MYO9A: variants seen among roughly 807,000 people sequenced by gnomAD.
The protein encoded by MYO9A is unconventional myosin-IXa.
A neutral mutation model predicts 293.3 loss-of-function variants in MYO9A; 103 were observed. The observed-to-expected ratio is 0.35, with a 90% CI of 0.30 to 0.41. MYO9A has a LOEUF of 0.41. Among genes scored for constraint, MYO9A ranks in the 10% least tolerant of loss-of-function variants. MYO9A has a pLI of 1.00. For missense variants in MYO9A, 2,685 were observed against 3,033.0 expected (o/e 0.89, Z 2.69); for synonymous variants, 1,001 against 1,035.7 (o/e 0.97, Z 0.64).
intron 6 of MYO9A, among the ~76,000 whole-genome samples, chr15:72,017,010 CTTTTTTTTTTTTTT>C (rs61153023): frequency 2.1e-4 from 12 of 58,278 alleles, no homozygotes; most frequent in Admixed American, 9.4e-4. Flanking sequence ...GAGCCCAAAT[CTTTTTTTTTTTTTT>C]TTTTTTTTTT....
At chr15:71,849,044 T>C (rs2055515927) in intron 38 of MYO9A, 76 bp from the exon 39 acceptor site, 20 of 1,370,678 alleles carry the variant, frequency 1.5e-5, no homozygotes, top group Non-Finnish European at 1.8e-5. Context: ...ACTGTTTTTG[T>C]GGTAGACAGT....
Position 71,898,133 on chromosome 15 carries a change from A to C in MYO9A, c.4370T>G (p.Leu1457Trp), listed in dbSNP as rs1251826847. The C allele has an allele frequency of 4.3e-6, 7 of 1,614,116 alleles. No homozygotes were observed. The highest frequency in any genetic ancestry group is 5.1e-6 in the Non-Finnish European group (6 of 1,180,024). Residue 1457 changes from leucine to tryptophan, a missense_variant, in exon 25 of 42, where the codon TTG (leucine) becomes TGG (tryptophan). Around this residue, in one of 10 missense-constraint regions of MYO9A, gnomAD observed 1,434 missense variants for 1,497.7 expected, o/e 0.96. Coordinates refer to ENST00000356056, the MANE Select transcript of MYO9A (RefSeq NM_006901.4). ...NEDTAGEALT[L>W]DINRETRRYH... ...CCTTCTAGTTTCCCTGTTGATATCC[A>C]AAGTAAGAGCTTCCCCCGCTGTGTC...
chr15:72,042,423 A>T (rs937509863), intron 2 of MYO9A, among the ~76,000 whole-genome samples: 1 of 152,124 alleles, frequency 6.6e-6, no homozygotes, highest in African/African-American at 2.4e-5. Flanking sequence ...TCTCAATAAG[A>T]CACAGAAATA....
chr15:72,081,383 A>G (rs1275265746), intron 1 of MYO9A, among the ~76,000 whole-genome samples: 1 of 152,112 alleles, frequency 6.6e-6, no homozygotes, highest in Admixed American at 6.5e-5. Flanking sequence ...GTGTGTGTTC[A>G]TGTCCTTTAC....
chr15:72,103,342 CAGCAGCAAGCAGAGACAGA>C (rs1186508122), intron 1 of MYO9A, among the ~76,000 whole-genome samples: 2 of 137,880 alleles, frequency 1.5e-5, no homozygotes, highest in Non-Finnish European at 3.1e-5. Flanking sequence ...GAAGCAGAAG[CAGCAGCAAGCAGAGACAGA>C]AGCAGCAGCA....
At chr15:72,027,687 T>C (rs774869478) in intron 4 of MYO9A, 44 bp downstream of exon 4, 20 of 1,459,322 alleles carry the variant, frequency 1.4e-5, no homozygotes, top group African/African-American at 5.7e-5. Context: ...GTCTGCGTGA[T>C]ACAAATGTTA....
intron 1 of MYO9A, among the ~76,000 whole-genome samples, chr15:72,067,651 C>T (rs1378078628): frequency 1.3e-5 from 2 of 152,158 alleles, no homozygotes; most frequent in Non-Finnish European, 2.9e-5. Flanking sequence ...TGCCCTTCTA[C>T]TGGGACGCCA....
intron 1 of MYO9A, among the ~76,000 whole-genome samples, chr15:72,064,222 T>G (rs902373204): frequency 1.3e-5 from 2 of 152,052 alleles, no homozygotes; most frequent in South Asian, 2.1e-4. Context: ...AAAATATAGT[T>G]AGAATGAATA....
At chr15:71,943,845 C>CT (rs1219502835) in intron 15 of MYO9A, among the ~76,000 whole-genome samples, 1 of 152,072 alleles carries the variant, frequency 6.6e-6, no homozygotes, top group Non-Finnish European at 1.5e-5. Flanking sequence ...ACGTAAAAGT[C>CT]TTTTGTGAAT....
chr15:72,107,373 AC>A (rs1330991307), intron 1 of MYO9A, among the ~76,000 whole-genome samples: 1 of 152,052 alleles, frequency 6.6e-6, no homozygotes, highest in Non-Finnish European at 1.5e-5. Flanking sequence ...ACATGGTGAA[AC>A]CCTGTCTCTA....
chr15:71,979,662 T>C (rs1365273929), intron 11 of MYO9A, among the ~76,000 whole-genome samples: 3 of 152,230 alleles, frequency 2.0e-5, no homozygotes, highest in Non-Finnish European at 4.4e-5. Flanking sequence ...CTACATATTG[T>C]CTATGGCTAC....
chr15:72,069,332 G>C (rs1309399232), intron 1 of MYO9A, among the ~76,000 whole-genome samples: 2 of 152,110 alleles, frequency 1.3e-5, no homozygotes, highest in Non-Finnish European at 2.9e-5. Flanking sequence ...ATATGTAATT[G>C]TTTAGTGCAT....
rs548859933 is a variant in MYO9A, at chr15:72,012,593, C to A, written c.1156-2146G>T. On this transcript the variant is annotated intron_variant, in intron 6 of 41. Transcript: ENST00000356056. ...GATTACAGGAGTAAGCCACCGTACC[C>A]AGCCCTAAGATAAATTTTTAAACAC... 7.2e-5 allele frequency among the ~76,000 whole-genome samples: 11 copies of A among 152,278 alleles called. No homozygotes were observed. In the East Asian group the frequency reaches 1.9e-3, roughly 27 times the overall value.
In MYO9A at chr15:71,879,752, T is replaced by C; in HGVS notation, c.5708A>G (p.Asn1903Ser). 6.2e-7 allele frequency: 1 copy of C among 1,613,354 alleles called. No individual in the cohort carries two copies. Among genetic ancestry groups the C allele is most frequent in the South Asian group, 1.1e-5 (1 of 91,066 alleles). ...TGCAGATGAATAAAAGCTGAAGATA[T>C]TCTGCCGAAATTCCTTCAGGGCTTT... ...FKKALKEFRQ[N>S]IFSFYSSALA... Residue 1903 changes from asparagine to serine, a missense_variant, in exon 30 of 42, where the codon AAT becomes AGT. Transcript: ENST00000356056.
At chr15:71,867,570 G>A (rs1254349154) in intron 32 of MYO9A, among the ~76,000 whole-genome samples, 1 of 147,394 alleles carries the variant, frequency 6.8e-6, no homozygotes, top group Non-Finnish European at 1.5e-5. Flanking sequence ...AGAAAAATGA[G>A]TAACGAACAA....
At chr15:72,043,563 T>C (rs1301747633) in intron 2 of MYO9A, among the ~76,000 whole-genome samples, 1 of 152,190 alleles carries the variant, frequency 6.6e-6, no homozygotes, top group African/African-American at 2.4e-5. Context: ...AAAATAATTA[T>C]ACCAAGTGGG....
intron 1 of MYO9A, among the ~76,000 whole-genome samples, chr15:72,048,620 A>AATT (rs1202667159): frequency 1.3e-5 from 2 of 152,080 alleles, no homozygotes; most frequent in African/African-American, 2.4e-5. Context: ...AACCTCTGTT[A>AATT]ATTACTACAG....
At chr15:72,025,730 A>G (rs2149305433) in intron 4 of MYO9A, among the ~76,000 whole-genome samples, 1 of 152,322 alleles carries the variant, frequency 6.6e-6, no homozygotes, top group Middle Eastern at 3.4e-3. Context: ...TCCACTTTCA[A>G]TAATGAAGAA....
chr15:71,967,880 T>C, intron 13 of MYO9A, 104 bp downstream of exon 13: 1 of 1,126,730 alleles, frequency 8.9e-7, no homozygotes, highest in African/African-American at 1.6e-5. Flanking sequence ...TCTCCAGTTA[T>C]TACTGATCAA....
Sources: allele counts gnomAD v4.1 joint callset (sites outside exome capture counted in the v4.1 genomes callset), GRCh38; gene constraint gnomAD v4.1.1; regional missense constraint gnomAD v4.1.1; transcripts MANE v1.5; gene names NCBI Gene and HGNC (gene_info 2026-07-23, HGNC 2026-07-21).